Variants in CNTNAP2 observed in about 807,000 individuals in gnomAD.
CNTNAP2 encodes contactin-associated protein-like 2.
CNTNAP2 carries 98 observed loss-of-function variants against 155.2 expected under a neutral mutation model. The ratio of observed to expected loss-of-function variants is 0.63; its 90% CI spans 0.54 to 0.75. The LOEUF is 0.75. Ranked by LOEUF, CNTNAP2 falls within the 30% of genes least tolerant of loss-of-function variation. The pLI is 0.00. For synonymous variants in CNTNAP2, 651 were observed against 631.2 expected (o/e 1.03, Z -0.47); for missense variants, 1,727 against 1,688.1 (o/e 1.02, Z -0.40).
At chr7:147,800,553 G>A (rs538155508) in intron 13 of CNTNAP2, among the ~76,000 whole-genome samples, 25 of 151,578 alleles carry the variant, frequency 1.6e-4, no homozygotes, top group African/African-American at 5.1e-4. Context: ...ATCTCCCTAC[G>A]TTTGTTGCCA....
At chr7:147,668,070 G>A (rs1048163499) in intron 13 of CNTNAP2, among the ~76,000 whole-genome samples, 21 of 152,222 alleles carry the variant, frequency 1.4e-4, no homozygotes, top group African/African-American at 4.1e-4. Context: ...GGATGACATC[G>A]AGGAGCTCCT....
chr7:147,625,981 C>T (rs775233474), intron 12 of CNTNAP2, among the ~76,000 whole-genome samples: 36 of 152,106 alleles, frequency 2.4e-4, no homozygotes, highest in Non-Finnish European at 4.9e-4. Flanking sequence ...GTAGAAGTAG[C>T]AGCAGAAAAT....
chr7:148,387,542 C>T (rs1270304753), intron 22 of CNTNAP2, among the ~76,000 whole-genome samples: 2 of 152,070 alleles, frequency 1.3e-5, no homozygotes, highest in Non-Finnish European at 2.9e-5. Context: ...GAAGTTTATT[C>T]CTCAACAAGC....
chr7:147,486,608 A>G (rs990189815), intron 11 of CNTNAP2, among the ~76,000 whole-genome samples: 3 of 152,212 alleles, frequency 2.0e-5, no homozygotes, highest in African/African-American at 7.2e-5. Flanking sequence ...ATATTTTAAA[A>G]TGGCAAAAAT....
At chr7:147,021,974 C>T (rs1332497592) in intron 3 of CNTNAP2, among the ~76,000 whole-genome samples, 2 of 151,926 alleles carry the variant, frequency 1.3e-5, no homozygotes, top group African/African-American at 4.8e-5. Flanking sequence ...CCTATTTTCT[C>T]TTATTTTTTA....
At chr7:146,644,718 C>G (rs1257915559) in intron 1 of CNTNAP2, among the ~76,000 whole-genome samples, 1 of 152,124 alleles carries the variant, frequency 6.6e-6, no homozygotes, top group East Asian at 1.9e-4. Context: ...CACAAATAAA[C>G]TAGAAAATCT....
chr7:146,831,052 G>T (rs1228793493), intron 2 of CNTNAP2, among the ~76,000 whole-genome samples: 1 of 152,074 alleles, frequency 6.6e-6, no homozygotes, highest in Non-Finnish European at 1.5e-5. Flanking sequence ...TACATCTATG[G>T]AATTTATGCT....
chr7:146,832,063 T>C (rs936225039), intron 2 of CNTNAP2, among the ~76,000 whole-genome samples: 1 of 152,220 alleles, frequency 6.6e-6, no homozygotes, highest in Non-Finnish European at 1.5e-5. Context: ...TCAACAAATA[T>C]CTGCACTTGG....
intron 4 of CNTNAP2, among the ~76,000 whole-genome samples, chr7:147,066,134 C>T (rs1584815009): frequency 1.3e-5 from 2 of 152,160 alleles, no homozygotes; most frequent in Non-Finnish European, 1.5e-5. Flanking sequence ...TAGAAGGCAA[C>T]AAAGGTCACA....
intron 20 of CNTNAP2, among the ~76,000 whole-genome samples, chr7:148,234,979 A>T (rs1796020553): frequency 6.6e-6 from 1 of 152,208 alleles, no homozygotes; most frequent in South Asian, 2.1e-4. Flanking sequence ...CTTTGCCAAG[A>T]AGAAGCTAAC....
rs368694897 is a variant in CNTNAP2, at chr7:147,997,503, C to T, written c.2383+19514C>T. On this transcript the variant is annotated intron_variant, in intron 15 of 23. Coordinates refer to ENST00000361727, the MANE Select transcript of CNTNAP2 (RefSeq NM_014141.6). ...ACCGGGAGGCGGAGGTTGTGGTGAG[C>T]CGAGATCACGCCATTGCACTCCAGC... 4.6e-5 allele frequency among the ~76,000 whole-genome samples: 7 copies of T among 151,244 alleles called. No individual in the cohort carries two copies. In the East Asian group the frequency reaches 9.8e-4, roughly 21 times the overall value.
chr7:146,260,997 C>T (rs1299750737), intron 1 of CNTNAP2, among the ~76,000 whole-genome samples: 1 of 152,150 alleles, frequency 6.6e-6, no homozygotes, highest in Non-Finnish European at 1.5e-5. Context: ...TGGTTCATGG[C>T]AGTGGTTTCT....
At chr7:146,382,072 C>T (rs1027600930) in intron 1 of CNTNAP2, among the ~76,000 whole-genome samples, 2 of 152,094 alleles carry the variant, frequency 1.3e-5, no homozygotes, top group African/African-American at 4.8e-5. Flanking sequence ...TTGAAAATAT[C>T]AAGATATTTT....
intron 1 of CNTNAP2, among the ~76,000 whole-genome samples, chr7:146,665,380 C>A (rs555214032): frequency 6.6e-6 from 1 of 152,308 alleles, no homozygotes; most frequent in East Asian, 1.9e-4. Flanking sequence ...TTATTTTAAT[C>A]TGTTTTCAAG....
At chr7:147,614,787 A>G (rs1801250840) in intron 12 of CNTNAP2, among the ~76,000 whole-genome samples, 1 of 81,938 alleles carries the variant, frequency 1.2e-5, no homozygotes, top group Non-Finnish European at 2.5e-5. Context: ...TCTTTTACAC[A>G]TATATAGGGG....
intron 21 of CNTNAP2, among the ~76,000 whole-genome samples, chr7:148,283,709 G>C (rs1797030499): frequency 6.6e-6 from 1 of 152,080 alleles, no homozygotes; most frequent in Non-Finnish European, 1.5e-5. Context: ...CCCCTAAGTG[G>C]AGTGCTGAAA....
intron 10 of CNTNAP2, among the ~76,000 whole-genome samples, chr7:147,451,058 A>G (rs941842921): frequency 3.3e-5 from 5 of 152,202 alleles, no homozygotes; most frequent in African/African-American, 1.2e-4. Flanking sequence ...CCTCAGCTGG[A>G]ATATCTCATT....
intron 15 of CNTNAP2, among the ~76,000 whole-genome samples, chr7:148,062,369 G>A (rs10485844): frequency 0.51 from 76,931 of 151,736 alleles, 21,390 homozygotes; most frequent in East Asian, 0.82. Context: ...ACTTGAATTC[G>A]CAAAATACTC....
chr7:147,740,317 C>G lies in CNTNAP2; in HGVS notation c.2098+101011C>G, dbSNP rs541334538. On this transcript the variant is annotated intron_variant, in intron 13 of 23. Transcript: ENST00000361727. ...TTGAATTTCAAACTCAAAAGTGTTT[C>G]TAAATATTGTCATTTTGGAATTGGG... 1.6e-3 allele frequency among the ~76,000 whole-genome samples: 248 copies of G among 152,176 alleles called. 1 individual carries two copies. The highest frequency in any genetic ancestry group is 5.7e-3 in the African/African-American group (235 of 41,508).
Sources: allele counts gnomAD v4.1 joint callset (sites outside exome capture counted in the v4.1 genomes callset), GRCh38; gene constraint gnomAD v4.1.1; transcripts MANE v1.5; gene names NCBI Gene and HGNC (gene_info 2026-07-23, HGNC 2026-07-21).